LRRC36: variants seen among roughly 807,000 people sequenced by gnomAD.
LRRC36 encodes the protein leucine rich repeat containing 36.
A neutral mutation model predicts 81.1 loss-of-function variants in LRRC36; 62 were observed. The ratio of observed to expected loss-of-function variants is 0.76; its 90% CI spans 0.62 to 0.94. LRRC36 has a LOEUF of 0.94. Ranked by LOEUF, LRRC36 falls within the 40% of genes least tolerant of loss-of-function variation. LRRC36 has a pLI of 0.00. For missense variants in LRRC36, 761 were observed against 881.7 expected (o/e 0.86, Z 1.73); for synonymous variants, 334 against 348.6 (o/e 0.96, Z 0.47).
rs2039433459 is a variant in LRRC36 at position 67,367,115 on chromosome 16, G to T, written c.853G>T (p.Gly285Cys). ...ATCTTTTTTGGACAATAAGTCTTCA[G>T]GTTCTTCTCCAGAAAAGGAATTGAT... Reference protein sequence around the residue: ...QVSFLDNKSSGSSPEKELIPK... With the variant: ...QVSFLDNKSSCSSPEKELIPK... The change falls in exon 8 of 14, where the codon GGT (glycine) becomes TGT (cysteine). Residue 285 changes from glycine (G) to cysteine (C), a missense_variant. Around this residue, in one of 3 missense-constraint regions of LRRC36, gnomAD observed 139 missense variants for 214.0 expected, o/e 0.65. Coordinates refer to ENST00000329956, the MANE Select transcript of LRRC36 (RefSeq NM_018296.6). 16 of 1,614,096 alleles carry T rather than the reference G, an allele frequency of 9.9e-6. No homozygotes were observed. The highest frequency in any genetic ancestry group is 1.4e-5 in the Non-Finnish European group (16 of 1,180,000).
Position 67,365,356 on chromosome 16 carries a change from G to A in LRRC36, c.754+1G>A. 1 of 1,613,194 alleles carries A rather than the reference G, an allele frequency of 6.2e-7. No homozygotes were observed. ...CCAAGTGACAATCACCAGGAAGATG[G>A]TAAATATTTTGCTCACTGAGTATTT... On this transcript the variant is annotated splice_donor_variant, in intron 7 of 13. Transcript: ENST00000329956. LOFTEE classifies it high-confidence loss of function.
At chr16:67,328,830 C>A (rs1597410442) in intron 1 of LRRC36, among the ~76,000 whole-genome samples, 1 of 150,752 alleles carries the variant, frequency 6.6e-6, no homozygotes, top group South Asian at 2.1e-4. Flanking sequence ...CCACCTCCAA[C>A]CCCCTACACT....
At chr16:67,345,179 G>A (rs1257645222) in intron 2 of LRRC36, among the ~76,000 whole-genome samples, 1 of 151,908 alleles carries the variant, frequency 6.6e-6, no homozygotes, top group Non-Finnish European at 1.5e-5. Context: ...GCCAGGTGTG[G>A]TGCCACATGC....
At chr16:67,337,758 A>C (rs559257317) in intron 1 of LRRC36, among the ~76,000 whole-genome samples, 1 of 152,050 alleles carries the variant, frequency 6.6e-6, no homozygotes, top group African/African-American at 2.4e-5. Flanking sequence ...TACATTTTTC[A>C]GTTAATTTCC....
At chr16:67,337,903 T>C (rs1255624643) in intron 1 of LRRC36, among the ~76,000 whole-genome samples, 3 of 151,876 alleles carry the variant, frequency 2.0e-5, no homozygotes, top group Admixed American at 6.6e-5. Context: ...CTGCCCAACA[T>C]GGAGAAACTC....
chr16:67,353,549 G>C (rs933980593), intron 5 of LRRC36, among the ~76,000 whole-genome samples: 1 of 151,996 alleles, frequency 6.6e-6, no homozygotes, highest in African/African-American at 2.4e-5. Flanking sequence ...AACATGCCCA[G>C]CTAATTTTTG....
At chr16:67,362,898 C>T (rs2039221617) in intron 5 of LRRC36, among the ~76,000 whole-genome samples, 1 of 152,104 alleles carries the variant, frequency 6.6e-6, no homozygotes, top group African/African-American at 2.4e-5. Flanking sequence ...CTGCCTTAGC[C>T]TCCTGAGTAG....
intron 9 of LRRC36, among the ~76,000 whole-genome samples, chr16:67,372,735 T>C (rs925668818): frequency 6.6e-6 from 1 of 152,026 alleles, no homozygotes; most frequent in Non-Finnish European, 1.5e-5. Flanking sequence ...ATCTTACACA[T>C]TGGGGTGGGT....
chr16:67,341,325 T>C (rs1442621817), intron 1 of LRRC36, among the ~76,000 whole-genome samples: 6 of 147,450 alleles, frequency 4.1e-5, no homozygotes, highest in African/African-American at 9.9e-5. Flanking sequence ...AGACTATATA[T>C]AGTCTATATA....
rs189889874 is a variant in LRRC36, at chr16:67,358,081, A to G, written c.578-5509A>G. Among the ~76,000 whole-genome samples the G allele has an allele frequency of 2.5e-3, 383 of 152,278 alleles. 1 individual carries two copies. Among genetic ancestry groups the G allele is most frequent in the Non-Finnish European group, 4.8e-3 (329 of 68,012 alleles). The stretch of plus-strand genomic sequence containing the variant: ...AAACTGAAGTATAAGACAAGAAAAA[A>G]ATAATCTCAGAATACAAATTGCTTC... On this transcript the variant is annotated intron_variant, in intron 5 of 13. Transcript: ENST00000329956.
chr16:67,377,509 TCTA>T (rs987691218), intron 11 of LRRC36, among the ~76,000 whole-genome samples: 6 of 151,740 alleles, frequency 4.0e-5, no homozygotes, highest in African/African-American at 1.5e-4. Context: ...TTTTTGTATT[TCTA>T]GTAGAGACAG....
chr16:67,375,453 T>G, intron 10 of LRRC36, 41 bp downstream of exon 10: 1 of 1,518,780 alleles, frequency 6.6e-7, no homozygotes, highest in Non-Finnish European at 8.8e-7. Flanking sequence ...GGAGTTGGAC[T>G]TTTCCTCTGC....
In LRRC36 at chr16:67,378,701, C is replaced by T; in HGVS notation, c.1919C>T (p.Ser640Leu). 1 of 1,613,880 alleles carries T rather than the reference C, an allele frequency of 6.2e-7. No homozygotes were observed. The highest frequency in any genetic ancestry group is 8.5e-7 in the Non-Finnish European group (1 of 1,179,862). Residue 640 changes from serine to leucine, a missense_variant, in exon 12 of 14, where the codon TCA becomes TTA. This residue lies in a region of LRRC36 where 359 missense variants were observed against 388.4 expected (regional missense o/e 0.92). Coordinates refer to ENST00000329956, the MANE Select transcript of LRRC36 (RefSeq NM_018296.6). ...ATCTCAATTGTGAGTGGGCAACAGT[C>T]ACATACTTATGGTAAGTTGAGGAAA... Reference protein sequence around the residue: ...AAISIVSGQQSHTYDDLLHKN... With the variant: ...AAISIVSGQQLHTYDDLLHKN...
chr16:67,376,169 G>A (rs570902443), intron 10 of LRRC36, among the ~76,000 whole-genome samples: 9 of 152,052 alleles, frequency 5.9e-5, no homozygotes, highest in Non-Finnish European at 1.2e-4. Flanking sequence ...TTAGCCAGGC[G>A]TAGTGGTGTG....
intron 1 of LRRC36, among the ~76,000 whole-genome samples, chr16:67,338,994 A>G (rs1014938980): frequency 1.4e-5 from 2 of 145,064 alleles, no homozygotes; most frequent in Non-Finnish European, 3.0e-5. Context: ...TCCTGGGCTG[A>G]AGCAATTCTT....
chr16:67,331,069 AAGAGAGAG>A (rs71145966), intron 1 of LRRC36, among the ~76,000 whole-genome samples: 4,524 of 118,560 alleles, frequency 0.038, 253 homozygotes, highest in African/African-American at 0.13. Context: ...GTGAGAGAGA[AAGAGAGAG>A]AGAGAGAGAG....
intron 1 of LRRC36, among the ~76,000 whole-genome samples, chr16:67,331,384 T>C (rs186734028): frequency 2.2e-4 from 34 of 151,234 alleles, no homozygotes; most frequent in Middle Eastern, 3.4e-3. Context: ...ATTAACTGGG[T>C]GTTGGTGGTG....
At chr16:67,363,178 TGTATAATGCCAGGA>T (rs2039237286) in intron 5 of LRRC36, among the ~76,000 whole-genome samples, 1 of 152,218 alleles carries the variant, frequency 6.6e-6, no homozygotes, top group Non-Finnish European at 1.5e-5. Flanking sequence ...ACCCTGGAGA[TGTATAATGCCAGGA>T]GTCTATTCCC....
At chr16:67,359,471 T>A (rs2039049764) in intron 5 of LRRC36, among the ~76,000 whole-genome samples, 1 of 152,042 alleles carries the variant, frequency 6.6e-6, no homozygotes, top group South Asian at 2.1e-4. Flanking sequence ...TGCCAGAGGA[T>A]GGAAGGGAGG....
Sources: allele counts gnomAD v4.1 joint callset (sites outside exome capture counted in the v4.1 genomes callset), GRCh38; gene constraint gnomAD v4.1.1; regional missense constraint gnomAD v4.1.1; transcripts MANE v1.5; gene names NCBI Gene and HGNC (gene_info 2026-07-23, HGNC 2026-07-21).